Variants in PCDHGA1 observed in about 807,000 individuals in gnomAD.
PCDHGA1 encodes the protein protocadherin gamma-A1.
In PCDHGA1, 32 loss-of-function variants were observed where a neutral mutation model predicts 58.0. That is an observed-to-expected ratio of 0.55 (90% CI 0.42 to 0.74). The LOEUF (loss-of-function observed/expected upper bound fraction) is 0.74, where lower values mean the gene tolerates loss of function less well. Ranked by LOEUF, PCDHGA1 falls within the 30% of genes least tolerant of loss-of-function variation. PCDHGA1 has a pLI of 0.00. For synonymous variants in PCDHGA1, 498 were observed against 501.1 expected (o/e 0.99, Z 0.08); for missense variants, 1,205 against 1,182.3 (o/e 1.02, Z -0.28).
chr5:141,447,299 C>A (rs543731556), intron 1 of PCDHGA1, among the ~76,000 whole-genome samples: 38 of 152,102 alleles, frequency 2.5e-4, no homozygotes, highest in Middle Eastern at 6.8e-3. Context: ...GCCACCACAC[C>A]CGGCTAATTT....
intron 1 of PCDHGA1, chr5:141,352,529 G>T: frequency 6.2e-7 from 1 of 1,613,988 alleles, no homozygotes; most frequent in Non-Finnish European, 8.5e-7. Context: ...CTCTCATTCT[G>T]CAAAGACAGA....
chr5:141,366,410 G>A, intron 1 of PCDHGA1: 1 of 1,614,204 alleles, frequency 6.2e-7, no homozygotes, highest in Non-Finnish European at 8.5e-7. Context: ...ACTCTATCTT[G>A]TGGTGGCAGT....
At chr5:141,344,302 T>C in intron 1 of PCDHGA1, 1 of 1,614,088 alleles carries the variant, frequency 6.2e-7, no homozygotes, top group South Asian at 1.1e-5. Context: ...GCGGAGAGGA[T>C]AGACCGGGAG....
At chr5:141,371,714 G>A (rs1286462285) in intron 1 of PCDHGA1, 1 of 1,613,920 alleles carries the variant, frequency 6.2e-7, no homozygotes, top group Non-Finnish European at 8.5e-7. Context: ...CCATCACTCT[G>A]CACATCCTTG....
rs543115867 is a variant in PCDHGA1 at position 141,332,985 on chromosome 5, C to T, written c.2301C>T (p.His767=). Residue 767 remains histidine (H), a synonymous_variant, in exon 1 of 4, where the codon CAC becomes CAT. Coordinates refer to ENST00000517417, the MANE Select transcript of PCDHGA1 (RefSeq NM_018912.3). This position sits in a 1 kb window ranked among gnomAD's most constrained non-coding sequence, Gnocchi z 4.6. ...TCACTGCGGACTCGCGGAAGAGCCACCTGATTTTCCCCCAGCCCAACTATG... is the reference window on the plus strand; with the variant it reads ...TCACTGCGGACTCGCGGAAGAGCCATCTGATTTTCCCCCAGCCCAACTATG... ...VSLTADSRKS[H]LIFPQPNYAD... The T allele has an allele frequency of 3.1e-6, 5 of 1,614,210 alleles. No homozygotes were observed. Among genetic ancestry groups the T allele is most frequent in the African/African-American group, 2.7e-5 (2 of 75,046 alleles).
intron 1 of PCDHGA1, chr5:141,408,674 A>C (rs1005052894): frequency 6.2e-7 from 1 of 1,613,882 alleles, no homozygotes; most frequent in African/African-American, 1.3e-5. Flanking sequence ...TGACCCTGCC[A>C]CGGATCCTGA....
intron 1 of PCDHGA1, chr5:141,399,528 C>A: frequency 6.2e-7 from 1 of 1,614,046 alleles, no homozygotes; most frequent in Non-Finnish European, 8.5e-7. Flanking sequence ...GGGCCTCCAT[C>A]GCGCAAGTCT....
chr5:141,377,025 A>T (rs1378221523), intron 1 of PCDHGA1: 1 of 154,760 alleles, frequency 6.5e-6, no homozygotes, highest in Non-Finnish European at 1.4e-5. Context: ...AAAATTCAAG[A>T]TTGTCTTTGA....
rs764742899 is a variant in PCDHGA1, at chr5:141,487,062, C to T, written c.2422-7745C>T. On this transcript the variant is annotated intron_variant, in intron 1 of 3. Transcript: ENST00000517417. This position sits in a 1 kb window ranked among gnomAD's most constrained non-coding sequence, Gnocchi z 5.0. Reference sequence around the variant, plus strand: ...TCTCGATATGCTGGGGAGGTGCGGACGGCTGTTCCTATCCCAGCTGACCTC... The same window carrying T: ...TCTCGATATGCTGGGGAGGTGCGGATGGCTGTTCCTATCCCAGCTGACCTC... 2.8e-5 allele frequency: 45 copies of T among 1,613,980 alleles called. No homozygotes were observed. Among genetic ancestry groups the T allele is most frequent in the East Asian group, 1.3e-4 (6 of 44,874 alleles).
intron 2 of PCDHGA1, among the ~76,000 whole-genome samples, chr5:141,504,748 T>A (rs979724181): frequency 7.2e-5 from 11 of 151,880 alleles, no homozygotes; most frequent in Non-Finnish European, 1.3e-4. Context: ...CCATTGAATT[T>A]TAGAAATTTC....
chr5:141,344,840 T>G, intron 1 of PCDHGA1: 1 of 1,613,940 alleles, frequency 6.2e-7, no homozygotes, highest in South Asian at 1.1e-5. Flanking sequence ...CCACTGACCC[T>G]GACGAGGGAT....
At chr5:141,365,434 G>C (rs770375441) in intron 1 of PCDHGA1, 7 of 1,614,020 alleles carry the variant, frequency 4.3e-6, no homozygotes, top group Non-Finnish European at 5.9e-6. Flanking sequence ...TAATCGCGCT[G>C]TTTAGCGTAC....
chr5:141,357,073 G>C, intron 1 of PCDHGA1: 1 of 1,613,956 alleles, frequency 6.2e-7, no homozygotes, highest in South Asian at 1.1e-5. Context: ...GCACACAGGC[G>C]AGGTGCGCAC....
chr5:141,340,024 T>C, intron 1 of PCDHGA1: 2 of 1,614,236 alleles, frequency 1.2e-6, no homozygotes, highest in Non-Finnish European at 1.7e-6. Flanking sequence ...ACATGACATC[T>C]GCTACTAGCT....
chr5:141,510,893 G>C (rs1334514746), intron 3 of PCDHGA1, 54 bp from the exon 4 acceptor site: 1 of 1,612,722 alleles, frequency 6.2e-7, no homozygotes, highest in African/African-American at 1.3e-5. Context: ...ATAAGACAGT[G>C]ACTGTTGAGG....
intron 1 of PCDHGA1, chr5:141,413,400 G>C: frequency 6.2e-7 from 1 of 1,614,060 alleles, no homozygotes; most frequent in Non-Finnish European, 8.5e-7. Context: ...CCAGAGGTAG[G>C]ACGCAGCTTT....
intron 1 of PCDHGA1, chr5:141,421,801 A>G (rs754191783): frequency 6.2e-7 from 1 of 1,613,858 alleles, no homozygotes; most frequent in Middle Eastern, 1.6e-4. Flanking sequence ...TGGGGCCAAG[A>G]ATCCAGAGCT....
At chr5:141,340,654 G>A in intron 1 of PCDHGA1, 2 of 1,614,246 alleles carry the variant, frequency 1.2e-6, no homozygotes, top group Non-Finnish European at 1.7e-6. Flanking sequence ...ACGCGCCCGA[G>A]ATCCTGTACC....
intron 1 of PCDHGA1, among the ~76,000 whole-genome samples, chr5:141,469,120 T>C (rs188113354): frequency 6.6e-6 from 1 of 151,574 alleles, no homozygotes; most frequent in East Asian, 1.9e-4. Context: ...CTAAAAAAAT[T>C]TAAAAATTAG....
Sources: gnomAD v4.1 joint callset for allele counts (sites outside exome capture counted in the v4.1 genomes callset) on GRCh38, gnomAD v4.1.1 for gene constraint, Gnocchi (gnomAD v3.1) non-coding constraint, MANE v1.5 for transcripts, NCBI Gene and HGNC (gene_info 2026-07-23, HGNC 2026-07-21) for gene names.